The following FOXD1 variants were observed in gnomAD, a reference collection of about 807,000 sequenced individuals.
FOXD1 encodes the protein forkhead box protein D1.
In FOXD1, 4 loss-of-function variants were observed where a neutral mutation model predicts 2.0. The observed-to-expected ratio is 2.03, with a 90% CI of 1.00 to 4.64. FOXD1 has a LOEUF of 4.64. Ranked by LOEUF, FOXD1 falls within the 30% of genes most tolerant of loss-of-function variation. The probability of loss-of-function intolerance (pLI) is 0.01; values close to 1 mark genes in which losing one functional copy is unlikely to be tolerated. For synonymous variants in FOXD1, 354 were observed against 328.5 expected, an observed-to-expected ratio of 1.08 and a Z score of -0.84; for missense variants, 586 against 647.6, an observed-to-expected ratio of 0.90 and a Z score of 1.03.
rs1192143090 is a variant in FOXD1, at chr5:73,448,273, GTCT to G, written c.87_89del (p.Glu29del). 10 of 1,474,806 alleles carry G rather than the reference GTCT, an allele frequency of 6.8e-6. No individual in the cohort carries two copies. The highest frequency in any genetic ancestry group is 1.5e-5 in the African/African-American group (1 of 67,834). 91.4% of individuals were successfully genotyped at this position (1,474,806 alleles called of 1,614,324 possible). A position where few individuals can be genotyped will look rare whatever the true frequency, so the allele number is the denominator to read the frequency against. The stretch of plus-strand genomic sequence containing the variant: ...CCTCGTCGTCGTCCTCCTCTTCCTC[GTCT>G]TCTTCGTCCTCGCCCTCCCCCACCA... On this transcript the variant is annotated inframe_deletion, in exon 1 of 1. Coordinates refer to ENST00000615637, the MANE Select transcript of FOXD1 (RefSeq NM_004472.3).
Position 73,447,450 on chromosome 5 carries a change from G to A in FOXD1, c.913C>T (p.His305Tyr), listed in dbSNP as rs1201163240. Residue 305 changes from histidine (H) to tyrosine (Y), a missense_variant, in exon 1 of 1, where the codon CAC becomes TAC. His to Tyr is a moderately conservative substitution (Grantham distance 83, BLOSUM62 2). Transcript: ENST00000615637. The surrounding 1 kb of genome is among the most constrained non-coding windows in gnomAD (Gnocchi z 7.8). ...GGGGGCGGCGGGGGCGAGTGCGGGT[G>A]GAAGGCGGCGGCGGCGGCGGCGGCC... ...AAAAAAAAAFHPHSPPPPPPP... is the reference protein window; with the variant it reads ...AAAAAAAAAFYPHSPPPPPPP... 3 of 985,036 alleles carry A rather than the reference G, an allele frequency of 3.0e-6. No individual in the cohort carries two copies. The highest frequency in any genetic ancestry group is 3.6e-6 in the Non-Finnish European group (3 of 832,822). The allele number at this position is 985,036 out of a possible 1,614,324, so 61.0% of individuals were successfully genotyped here.
Position 73,446,670 on chromosome 5 carries a change from C to T in FOXD1, c.*295G>A, listed in dbSNP as rs916200580. The T allele has an allele frequency of 2.9e-6, 1 of 347,894 alleles. No homozygotes were observed. Among genetic ancestry groups the T allele is most frequent in the Non-Finnish European group, 5.3e-6 (1 of 187,774 alleles). 21.6% of individuals were successfully genotyped at this position (347,894 alleles called of 1,614,324 possible). ...TTCATCTGCCAAACGTCAAGGGAGC[C>T]TCTAGTGCCTGGACAGGGCGGACTC... On this transcript the variant is annotated 3_prime_UTR_variant, in exon 1 of 1. Transcript: ENST00000615637.
At position 73,447,795 on chromosome 5, in the gene FOXD1, G is replaced by C. The variant is rs778752934; in HGVS notation, c.568C>G (p.Pro190Ala). Residue 190 changes from proline to alanine, a missense_variant, in exon 1 of 1, where the codon CCC becomes GCC. Around this residue, in one of 4 missense-constraint regions of FOXD1, gnomAD observed 104 missense variants for 175.4 expected, o/e 0.59. Coordinates refer to ENST00000615637, the MANE Select transcript of FOXD1 (RefSeq NM_004472.3). This position sits in a 1 kb window ranked among gnomAD's most constrained non-coding sequence, Gnocchi z 7.8. ...TAGTTGCCCTTGCCCGGGTTGCCGG[G>C]CTCGCGGGGGATCTTGACGAAGCAG... The part of the protein sequence containing the change: ...NDCFVKIPRE[P>A]GNPGKGNYWT... 6.2e-7 allele frequency: 1 copy of C among 1,610,558 alleles called. No homozygotes were observed. The highest frequency in any genetic ancestry group is 1.1e-5 in the South Asian group (1 of 90,824).
chr5:73,448,475 G>T lies in FOXD1; in HGVS notation c.-113C>A. On this transcript the variant is annotated 5_prime_UTR_variant, in exon 1 of 1. Coordinates refer to ENST00000615637, the MANE Select transcript of FOXD1 (RefSeq NM_004472.3). ...GCCCGGCCGGGGGGCGCCACGCTGG[G>T]GGCGCTGCGACTGCGGCTGCCGGAG... 1 of 589,662 alleles carries T rather than the reference G, an allele frequency of 1.7e-6. No homozygotes were observed. The highest frequency in any genetic ancestry group is 2.1e-6 in the Non-Finnish European group (1 of 467,734). The allele number at this position is 589,662 out of a possible 1,614,324, so 36.5% of individuals were successfully genotyped here.
At position 73,448,294 on chromosome 5, in the gene FOXD1, C is replaced by T; in HGVS notation, c.69G>A (p.Gly23=). The T allele has an allele frequency of 6.8e-7, 1 of 1,470,532 alleles. No homozygotes were observed. Among genetic ancestry groups the T allele is most frequent in the Non-Finnish European group, 9.1e-7 (1 of 1,103,004 alleles). The allele number at this position is 1,470,532 out of a possible 1,614,324, so 91.1% of individuals were successfully genotyped here. A position where few individuals can be genotyped will look rare whatever the true frequency, so the allele number is the denominator to read the frequency against. The stretch of plus-strand genomic sequence containing the variant: ...CCTCGTCTTCTTCGTCCTCGCCCTC[C>T]CCCACCACGTCGATGTCTGTTTCCT... ...LAEETDIDVV[G]EGEDEEDEEE... The change falls in exon 1 of 1, where the codon GGG becomes GGA. Residue 23 remains glycine, a synonymous_variant. Coordinates refer to ENST00000615637, the MANE Select transcript of FOXD1 (RefSeq NM_004472.3).
rs1745527302 is a variant in FOXD1, at chr5:73,447,494, G to C, written c.869C>G (p.Ala290Gly). Reference sequence around the variant, plus strand: ...GGCGGCCGCTGCGGCGGCGAAGAGGGCCGAGGGCGGCGCGTAAGGCGGCAG... The same window carrying C: ...GGCGGCCGCTGCGGCGGCGAAGAGGCCCGAGGGCGGCGCGTAAGGCGGCAG... ...LQLPPYAPPS[A>G]LFAAAAAAAA... Residue 290 changes from alanine to glycine, a missense_variant, in exon 1 of 1, where the codon GCC (alanine) becomes GGC (glycine). Coordinates refer to ENST00000615637, the MANE Select transcript of FOXD1 (RefSeq NM_004472.3). This position sits in a 1 kb window ranked among gnomAD's most constrained non-coding sequence, Gnocchi z 7.8. 4.0e-6 allele frequency: 4 copies of C among 1,007,782 alleles called. No homozygotes were observed. The highest frequency in any genetic ancestry group is 1.8e-5 in the African/African-American group (1 of 56,990). The allele number at this position is 1,007,782 out of a possible 1,614,324, so 62.4% of individuals were successfully genotyped here.
rs1580342669 is a variant in FOXD1, at chr5:73,448,401, G to T, written c.-39C>A. On this transcript the variant is annotated 5_prime_UTR_variant, in exon 1 of 1. Transcript: ENST00000615637. ...CGGCGGCGGGGCGGCGCATGGGGGC[G>T]CCGGGCTCCGGGCTCCCTCTGCGCC... 1.4e-5 allele frequency: 16 copies of T among 1,152,486 alleles called. No individual in the cohort carries two copies. Among genetic ancestry groups the T allele is most frequent in the African/African-American group, 8.3e-5 (5 of 60,176 alleles). 71.4% of individuals were successfully genotyped at this position (1,152,486 alleles called of 1,614,324 possible).
Position 73,447,162 on chromosome 5 carries a change from G to C in FOXD1, c.1201C>G (p.Pro401Ala). Reference protein sequence around the residue: ...SPSPSPVAAPPAPGSSGGGCA... With the variant: ...SPSPSPVAAPAAPGSSGGGCA... ...CCTCCTCCGCTGGATCCGGGAGCTGGCGGCGCCGCCACCGGCGAGGGCGAG... is the reference window on the plus strand; with the variant it reads ...CCTCCTCCGCTGGATCCGGGAGCTGCCGGCGCCGCCACCGGCGAGGGCGAG... Residue 401 changes from proline to alanine, a missense_variant, in exon 1 of 1, where the codon CCA (proline) becomes GCA (alanine). Transcript: ENST00000615637. The surrounding 1 kb of genome is among the most constrained non-coding windows in gnomAD (Gnocchi z 7.8). The C allele has an allele frequency of 6.3e-6, 7 of 1,108,940 alleles. No individual in the cohort carries two copies. Among genetic ancestry groups the C allele is most frequent in the South Asian group, 8.6e-5 (2 of 23,284 alleles). The allele number at this position is 1,108,940 out of a possible 1,614,324, so 68.7% of individuals were successfully genotyped here. A position where few individuals can be genotyped will look rare whatever the true frequency, so the allele number is the denominator to read the frequency against.
chr5:73,448,519 G>A lies in FOXD1; in HGVS notation c.-157C>T, dbSNP rs959637179. ...GCCGGAGCTGCGCCGGGGCTGCCGG[G>A]TGGCGGCGGAGTCTCGCGCGCCGAC... On this transcript the variant is annotated 5_prime_UTR_variant, in exon 1 of 1. Transcript: ENST00000615637. The A allele has an allele frequency of 4.0e-5, 11 of 277,730 alleles. No homozygotes were observed. Among genetic ancestry groups the A allele is most frequent in the Non-Finnish European group, 6.0e-5 (11 of 183,116 alleles). The allele number at this position is 277,730 out of a possible 1,614,324, so 17.2% of individuals were successfully genotyped here.
Position 73,447,603 on chromosome 5 carries a change from C to T in FOXD1, c.760G>A (p.Ala254Thr). Residue 254 changes from alanine (A) to threonine (T), a missense_variant, in exon 1 of 1, where the codon GCC (alanine) becomes ACC (threonine). This residue lies in a region of FOXD1 where 253 missense variants were observed against 234.4 expected (regional missense o/e 1.08). Transcript: ENST00000615637. This position sits in a 1 kb window ranked among gnomAD's most constrained non-coding sequence, Gnocchi z 7.8. ...GGCGCGGGCGGGAAGAGCGCGGCGG[C>T]GGCTGCCGGGTCGCCCGCGCCCCCT... ...AAGGAGDPAA[A>T]AALFPPAPPP... 3 of 1,207,212 alleles carry T rather than the reference C, an allele frequency of 2.5e-6. No individual in the cohort carries two copies. Among genetic ancestry groups the T allele is most frequent in the Non-Finnish European group, 2.1e-6 (2 of 966,948 alleles). The allele number at this position is 1,207,212 out of a possible 1,614,324, so 74.8% of individuals were successfully genotyped here.
Position 73,446,907 on chromosome 5 carries a change from G to A in FOXD1, c.*58C>T. On this transcript the variant is annotated 3_prime_UTR_variant, in exon 1 of 1. Transcript: ENST00000615637. ...AGCGAACAAAACACCGAACCACCAA[G>A]ACGAGAAAAGGAGCCGGGATTCCTA... 2 of 1,419,324 alleles carry A rather than the reference G, an allele frequency of 1.4e-6. No individual in the cohort carries two copies. Among genetic ancestry groups the A allele is most frequent in the Non-Finnish European group, 9.6e-7 (1 of 1,037,194 alleles). 87.9% of individuals were successfully genotyped at this position (1,419,324 alleles called of 1,614,324 possible).
chr5:73,448,246 G>A lies in FOXD1; in HGVS notation c.117C>T (p.Gly39=). The A allele has an allele frequency of 6.8e-7, 1 of 1,480,986 alleles. No individual in the cohort carries two copies. 91.7% of individuals were successfully genotyped at this position (1,480,986 alleles called of 1,614,324 possible). A position where few individuals can be genotyped will look rare whatever the true frequency, so the allele number is the denominator to read the frequency against. The change falls in exon 1 of 1, where the codon GGC becomes GGT. Residue 39 remains glycine, a synonymous_variant. Coordinates refer to ENST00000615637, the MANE Select transcript of FOXD1 (RefSeq NM_004472.3). ...CAGCCAGCCGGGGCCCGCCACCGCC[G>A]CCCTCGTCGTCGTCCTCCTCTTCCT... ...EDEEEEDDDE[G]GGGGPRLAVP...
chr5:73,447,107 G>C lies in FOXD1; in HGVS notation c.1256C>G (p.Ala419Gly). 7.6e-7 allele frequency: 1 copy of C among 1,323,908 alleles called. No homozygotes were observed. The highest frequency in any genetic ancestry group is 9.6e-7 in the Non-Finnish European group (1 of 1,037,104). The allele number at this position is 1,323,908 out of a possible 1,614,324, so 82.0% of individuals were successfully genotyped here. Residue 419 changes from alanine (A) to glycine (G), a missense_variant, in exon 1 of 1, where the codon GCG becomes GGG. Transcript: ENST00000615637. This position sits in a 1 kb window ranked among gnomAD's most constrained non-coding sequence, Gnocchi z 7.8. The part of the protein sequence containing the change: ...GCAAQAAVGP[A>G]AALTRSLVAA... ...CACGAGGGATCGGGTGAGCGCGGCCGCCGGGCCCACGGCCGCCTGCGCCGC... is the reference window on the plus strand; with the variant it reads ...CACGAGGGATCGGGTGAGCGCGGCCCCCGGGCCCACGGCCGCCTGCGCCGC...
In FOXD1 at chr5:73,448,372, G is replaced by A. The variant is rs372004843; in HGVS notation, c.-10C>T. 9.8e-6 allele frequency: 12 copies of A among 1,222,052 alleles called. No homozygotes were observed. In the African/African-American group the frequency reaches 1.5e-4, roughly 15 times the overall value. 75.7% of individuals were successfully genotyped at this position (1,222,052 alleles called of 1,614,324 possible). On this transcript the variant is annotated 5_prime_UTR_variant, in exon 1 of 1. Transcript: ENST00000615637. ...CAGTGCTCAGGGTCATAGCTGTGGC[G>A]CGGCGGCGGCGGGGCGGCGCATGGG...
rs996705961 is a variant in FOXD1 at position 73,448,407 on chromosome 5, C to T, written c.-45G>A. ...CGGGGCGGCGCATGGGGGCGCCGGG[C>T]TCCGGGCTCCCTCTGCGCCCCAGCC... On this transcript the variant is annotated 5_prime_UTR_variant, in exon 1 of 1. Transcript: ENST00000615637. 3 of 1,128,704 alleles carry T rather than the reference C, an allele frequency of 2.7e-6. No homozygotes were observed. In the African/African-American group the frequency reaches 5.0e-5, roughly 19 times the overall value. The allele number at this position is 1,128,704 out of a possible 1,614,324, so 69.9% of individuals were successfully genotyped here.
chr5:73,448,340 G>A lies in FOXD1; in HGVS notation c.23C>T (p.Ser8Phe), dbSNP rs575327005. 7 of 1,437,308 alleles carry A rather than the reference G, an allele frequency of 4.9e-6. No homozygotes were observed. The East Asian group carries it at 9.7e-5, about 20-fold the overall frequency. The allele number at this position is 1,437,308 out of a possible 1,614,324, so 89.0% of individuals were successfully genotyped here. A position where few individuals can be genotyped will look rare whatever the true frequency, so the allele number is the denominator to read the frequency against. Residue 8 changes from serine (S) to phenylalanine (F), a missense_variant, in exon 1 of 1, where the codon TCC becomes TTC. Physicochemically the swap from Ser to Phe is radical, Grantham distance 155. This residue lies in a region of FOXD1 where 183 missense variants were observed against 159.2 expected (regional missense o/e 1.15). Coordinates refer to ENST00000615637, the MANE Select transcript of FOXD1 (RefSeq NM_004472.3). ...TTCCTCGGCGAGGCCAGAGGCATCGGACATCTCAGTGCTCAGGGTCATAGC... is the reference window on the plus strand; with the variant it reads ...TTCCTCGGCGAGGCCAGAGGCATCGAACATCTCAGTGCTCAGGGTCATAGC... MTLSTEM[S>F]DASGLAEETD...
In FOXD1 at chr5:73,448,322, G is replaced by C. The variant is rs1745550404; in HGVS notation, c.41C>G (p.Ala14Gly). Residue 14 changes from alanine (A) to glycine (G), a missense_variant, in exon 1 of 1, where the codon GCC (alanine) becomes GGC (glycine). Physicochemically the swap from Ala to Gly is moderately conservative, Grantham distance 60. Coordinates refer to ENST00000615637, the MANE Select transcript of FOXD1 (RefSeq NM_004472.3). ...CACCACGTCGATGTCTGTTTCCTCG[G>C]CGAGGCCAGAGGCATCGGACATCTC... Reference protein sequence around the residue: ...STEMSDASGLAEETDIDVVGE... With the variant: ...STEMSDASGLGEETDIDVVGE... 4 of 1,456,112 alleles carry C rather than the reference G, an allele frequency of 2.7e-6. No homozygotes were observed. In the South Asian group the frequency reaches 5.2e-5, roughly 19 times the overall value. The allele number at this position is 1,456,112 out of a possible 1,614,324, so 90.2% of individuals were successfully genotyped here. A position where few individuals can be genotyped will look rare whatever the true frequency, so the allele number is the denominator to read the frequency against.
In FOXD1 at chr5:73,447,869, T is replaced by C. The variant is rs746178308; in HGVS notation, c.494A>G (p.Lys165Arg). The C allele has an allele frequency of 2.5e-6, 4 of 1,611,600 alleles. No individual in the cohort carries two copies. The East Asian group carries it at 8.9e-5, about 36-fold the overall frequency. Residue 165 changes from lysine (K) to arginine (R), a missense_variant, in exon 1 of 1, where the codon AAG (lysine) becomes AGG (arginine). Lys to Arg is a conservative substitution (Grantham distance 26). This residue lies in a region of FOXD1 where 104 missense variants were observed against 175.4 expected (regional missense o/e 0.59). Coordinates refer to ENST00000615637, the MANE Select transcript of FOXD1 (RefSeq NM_004472.3). This position sits in a 1 kb window ranked among gnomAD's most constrained non-coding sequence, Gnocchi z 7.8. Reference protein sequence around the residue: ...ISGRFPYYREKFPAWQNSIRH... With the variant: ...ISGRFPYYRERFPAWQNSIRH... ...GATGCTGTTCTGCCAGGCGGGGAAC[T>C]TCTCCCGGTAGTAGGGGAAGCGGCC...
Position 73,447,911 on chromosome 5 carries a change from A to T in FOXD1, c.452T>A (p.Ile151Asn), listed in dbSNP as rs774445889. ...SPKKRLTLSEICEFISGRFPY... is the reference protein window; with the variant it reads ...SPKKRLTLSENCEFISGRFPY... ...GAAGCGGCCGCTGATGAACTCACAG[A>T]TCTCGCTCAGCGTCAGCCGCTTCTT... Residue 151 changes from isoleucine to asparagine, a missense_variant, in exon 1 of 1, where the codon ATC becomes AAC. Physicochemically the swap from Ile to Asn is moderately radical, Grantham distance 149. Coordinates refer to ENST00000615637, the MANE Select transcript of FOXD1 (RefSeq NM_004472.3). This position sits in a 1 kb window ranked among gnomAD's most constrained non-coding sequence, Gnocchi z 7.8. 6.2e-7 allele frequency: 1 copy of T among 1,610,742 alleles called. No homozygotes were observed. Among genetic ancestry groups the T allele is most frequent in the Middle Eastern group, 1.7e-4 (1 of 6,048 alleles).
Sources: allele counts gnomAD v4.1 joint callset, GRCh38; gene constraint gnomAD v4.1.1; regional missense constraint gnomAD v4.1.1; non-coding constraint Gnocchi (gnomAD v3.1); transcripts MANE v1.5; gene names NCBI Gene and HGNC (gene_info 2026-07-23, HGNC 2026-07-21).